NOX1: variants seen among roughly 807,000 people sequenced by gnomAD.
The protein encoded by NOX1 is NADPH oxidase 1.
Under a neutral mutation model 42.5 loss-of-function variants are expected in NOX1, and 34 were observed. That is an observed-to-expected ratio of 0.80 (90% CI 0.61 to 1.07). The LOEUF is 1.07. NOX1 is among the 50% of genes least tolerant of loss of function. NOX1 has a pLI of 0.00. For missense variants in NOX1, 408 were observed against 427.0 expected, an observed-to-expected ratio of 0.96 and a Z score of 0.39; for synonymous variants, 143 against 152.5, an observed-to-expected ratio of 0.94 and a Z score of 0.46.
chrX:100,858,830 G>A (rs774169929), intron 7 of NOX1, among the ~76,000 whole-genome samples: 1 of 111,048 alleles, frequency 9.0e-6, no homozygotes, highest in Admixed American at 9.7e-5. Flanking sequence ...GGAGCTTTTG[G>A]ACATAGACTA....
intron 2 of NOX1, among the ~76,000 whole-genome samples, chrX:100,869,313 T>G (rs990957794): frequency 9.0e-6 from 1 of 111,257 alleles, no homozygotes; most frequent in Non-Finnish European, 1.9e-5. Context: ...TTCTTCCATT[T>G]GTTTGTATCC....
intron 1 of NOX1, among the ~76,000 whole-genome samples, chrX:100,871,829 C>T (rs2085276548): frequency 8.9e-6 from 1 of 111,742 alleles, no homozygotes; most frequent in Non-Finnish European, 1.9e-5. Flanking sequence ...TATTCAGACT[C>T]CCTAGATCTA....
In NOX1 at chrX:100,862,801, G is replaced by T. The variant is rs760214557; in HGVS notation, c.357C>A (p.His119Gln). ...CLHTAIHIIA[H>Q]LFNFDCYSRS... ...TGCTATAGCAGTCAAAGTTAAACAG[G>T]TGTGCAATGATGTGAATAGCTAAAT... The change falls in exon 5 of 13, where the codon CAC becomes CAA. Residue 119 changes from histidine (H) to glutamine (Q), a missense_variant. Transcript: ENST00000372966. 4.2e-6 allele frequency: 5 copies of T among 1,199,985 alleles called. No homozygotes were observed. Among genetic ancestry groups the T allele is most frequent in the Non-Finnish European group, 5.6e-6 (5 of 891,619 alleles).
At chrX:100,873,738 T>G (rs1340247062) in intron 1 of NOX1, among the ~76,000 whole-genome samples, 3 of 112,057 alleles carry the variant, frequency 2.7e-5, no homozygotes, top group Non-Finnish European at 5.6e-5. Flanking sequence ...CTAAGATCAC[T>G]TTCATCTCAA....
At chrX:100,869,522 A>T (rs974443290) in intron 2 of NOX1, among the ~76,000 whole-genome samples, 7 of 110,470 alleles carry the variant, frequency 6.3e-5, no homozygotes, top group Admixed American at 1.9e-4. Context: ...GTATCCTGAG[A>T]CTTTGCTGAA....
chrX:100,853,478 G>A (rs1158655476), intron 7 of NOX1, among the ~76,000 whole-genome samples: 3 of 85,323 alleles, frequency 3.5e-5, no homozygotes, highest in Non-Finnish European at 7.4e-5. Flanking sequence ...TCGGCTCACT[G>A]CAACCCCCGC....
In NOX1 at chrX:100,865,934, T is replaced by C. The variant is rs368504263; in HGVS notation, c.142-2339A>G. Among the ~76,000 whole-genome samples the C allele has an allele frequency of 4.4e-5, 5 of 112,385 alleles. No homozygotes were observed. The East Asian group carries it at 8.4e-4, about 19-fold the overall frequency. ...GGTTAGGCACTCACATGGAAAGATA[T>C]CTGAGGCTGGGAGCAGTGGCTTACG... is the stretch of plus-strand genomic sequence containing the variant. On this transcript the variant is annotated intron_variant, in intron 2 of 12. Transcript: ENST00000372966.
chrX:100,872,227 C>T lies in NOX1; in HGVS notation c.46-1413G>A, dbSNP rs201749230. ...CGTCTTTGAAAGAAAAGAAAGTCAA[C>T]AGTCACAGACACCTCAAGAATTTGG... is the stretch of plus-strand genomic sequence containing the variant. On this transcript the variant is annotated intron_variant, in intron 1 of 12. Coordinates refer to ENST00000372966, the MANE Select transcript of NOX1 (RefSeq NM_007052.5). Among the ~76,000 whole-genome samples, 19 of 112,092 alleles carry T rather than the reference C, an allele frequency of 1.7e-4. No individual in the cohort carries two copies. In the East Asian group the frequency reaches 4.2e-3, roughly 25 times the overall value.
chrX:100,863,088 A>G, intron 4 of NOX1, 71 bp downstream of exon 4: 2 of 797,180 alleles, frequency 2.5e-6, no homozygotes, highest in South Asian at 4.1e-5. Flanking sequence ...TTGAATGTGC[A>G]TATGGATGGA....
At chrX:100,854,655 T>G (rs750880197) in intron 7 of NOX1, among the ~76,000 whole-genome samples, 1 of 112,193 alleles carries the variant, frequency 8.9e-6, no homozygotes, top group African/African-American at 3.2e-5. Flanking sequence ...ATCTATAATT[T>G]TATCTGGTAC....
intron 2 of NOX1, among the ~76,000 whole-genome samples, chrX:100,868,565 T>TACA (rs747320467): frequency 9.0e-6 from 1 of 111,082 alleles, no homozygotes; most frequent in Non-Finnish European, 1.9e-5. Flanking sequence ...TCTCAGGTTC[T>TACA]GTAACCTTGA....
chrX:100,850,932 C>T (rs777083218), intron 8 of NOX1, among the ~76,000 whole-genome samples: 13 of 111,066 alleles, frequency 1.2e-4, no homozygotes, highest in Non-Finnish European at 2.1e-4. Flanking sequence ...CTCTGCCTCC[C>T]GGGTTCAAGC....
chrX:100,866,574 C>G (rs2147919151), intron 2 of NOX1, among the ~76,000 whole-genome samples: 1 of 109,489 alleles, frequency 9.1e-6, no homozygotes, highest in Non-Finnish European at 1.9e-5. Context: ...TTATACACTT[C>G]TATTCGCTTG....
Position 100,848,690 on chromosome X carries a change from G to T in NOX1, c.1508C>A (p.Thr503Asn). 1 of 1,210,374 alleles carries T rather than the reference G, an allele frequency of 8.3e-7. No individual in the cohort carries two copies. Among genetic ancestry groups the T allele is most frequent in the Non-Finnish European group, 1.1e-6 (1 of 893,869 alleles). ...GTCCCACATTGGTCTCCCAAAGGAG[G>T]TTTTCTGTTTCAGACCTGTCACGAT... ...TDIVTGLKQKTSFGRPMWDNE... is the reference protein window; with the variant it reads ...TDIVTGLKQKNSFGRPMWDNE... The change falls in exon 12 of 13, where the codon ACC becomes AAC. Residue 503 changes from threonine to asparagine, a missense_variant. Transcript: ENST00000372966.
At chrX:100,853,650 C>T (rs1214577077) in intron 7 of NOX1, among the ~76,000 whole-genome samples, 5 of 102,852 alleles carry the variant, frequency 4.9e-5, no homozygotes, top group African/African-American at 1.8e-4. Context: ...ATCCACCTGC[C>T]TCAGCCTCCC....
intron 7 of NOX1, among the ~76,000 whole-genome samples, chrX:100,861,735 A>G (rs1230202466): frequency 8.9e-6 from 1 of 112,215 alleles, no homozygotes; most frequent in East Asian, 2.8e-4. Flanking sequence ...TTTGTATTCA[A>G]GCTCCACTAC....
At chrX:100,853,280 TTCTTTCTTTCTTTC>T (rs1218095180) in intron 7 of NOX1, among the ~76,000 whole-genome samples, 3 of 72,747 alleles carry the variant, frequency 4.1e-5, no homozygotes, top group South Asian at 1.4e-3. Flanking sequence ...CTTTCTTTCT[TTCTTTCTTTCTTTC>T]TTTCTTTCTT....
chrX:100,863,516 T>C lies in NOX1; in HGVS notation c.221A>G (p.Asn74Ser). 1 of 1,211,084 alleles carries C rather than the reference T, an allele frequency of 8.3e-7. No homozygotes were observed. Among genetic ancestry groups the C allele is most frequent in the Non-Finnish European group, 1.1e-6 (1 of 895,429 alleles). ...STLILLPVCR[N>S]LLSFLRGTCS... ...GGTGCCCCTCAGGAAGGACAGCAGA[T>C]TGCGACACACAGGAAGCAGGATCAG... is the stretch of plus-strand genomic sequence containing the variant. Residue 74 changes from asparagine to serine, a missense_variant, in exon 3 of 13, where the codon AAT (asparagine) becomes AGT (serine). Asn to Ser is a conservative substitution (Grantham distance 46). Coordinates refer to ENST00000372966, the MANE Select transcript of NOX1 (RefSeq NM_007052.5).
At position 100,872,944 on chromosome X, in the gene NOX1, C is replaced by A. The variant is rs753820574; in HGVS notation, c.45+1151G>T. Among the ~76,000 whole-genome samples the A allele has an allele frequency of 1.6e-4, 17 of 105,368 alleles. 1 individual carries two copies. The South Asian group carries it at 6.7e-3, about 42-fold the overall frequency. 91.5% of individuals were successfully genotyped at this position (105,368 alleles called of 115,157 possible). On this transcript the variant is annotated intron_variant, in intron 1 of 12. Transcript: ENST00000372966. ...AAGGCATTGAGCATTTAAAATATGT[C>A]ATGGGATAACCTGACAAAATAAGCA... is the stretch of plus-strand genomic sequence containing the variant.
Sources: gnomAD v4.1 joint callset for allele counts (sites outside exome capture counted in the v4.1 genomes callset) on GRCh38, gnomAD v4.1.1 for gene constraint, MANE v1.5 for transcripts, NCBI Gene and HGNC (gene_info 2026-07-23, HGNC 2026-07-21) for gene names.